The following ESR2 variants were observed in gnomAD, a reference collection of about 807,000 sequenced individuals.
The protein encoded by ESR2 is estrogen receptor 2, also known as estrogen receptor beta.
A neutral mutation model predicts 49.6 loss-of-function variants in ESR2; 36 were observed. That is an observed-to-expected ratio of 0.73 (90% CI 0.56 to 0.96). The LOEUF is 0.96. ESR2 is among the 40% of genes least tolerant of loss of function. The pLI, the probability that ESR2 is intolerant of heterozygous loss-of-function variation, is 0.00. For synonymous variants in ESR2, 320 were observed against 266.1 expected (o/e 1.20, Z -1.97); for missense variants, 714 against 693.0 (o/e 1.03, Z -0.34).
At chr14:64,244,993 T>A (rs2075817754) in intron 7 of ESR2, among the ~76,000 whole-genome samples, 1 of 152,208 alleles carries the variant, frequency 6.6e-6, no homozygotes, top group African/African-American at 2.4e-5. Flanking sequence ...CTGTTTTATA[T>A]ATTCTGTCAG....
chr14:64,267,467 T>C (rs2140755976), intron 4 of ESR2, among the ~76,000 whole-genome samples: 1 of 152,252 alleles, frequency 6.6e-6, no homozygotes, highest in East Asian at 1.9e-4. Context: ...AGAAGCATGA[T>C]CAGATGAAGA....
At chr14:64,315,074 T>C (rs901852494) in intron 1 of ESR2, among the ~76,000 whole-genome samples, 1 of 148,302 alleles carries the variant, frequency 6.7e-6, no homozygotes, top group African/African-American at 2.5e-5. Flanking sequence ...TGAAACCCCA[T>C]CTCTACTAAA....
rs143084625 is a variant in ESR2 at position 64,331,270 on chromosome 14, T to C, written c.-91+6628A>G. ...GGCAAAAAGTATTACATGAAATAAGTGAGATTTCATAACGATAAAAGGGGC... is the reference window on the plus strand; with the variant it reads ...GGCAAAAAGTATTACATGAAATAAGCGAGATTTCATAACGATAAAAGGGGC... On this transcript the variant is annotated intron_variant, in intron 1 of 8. Coordinates refer to the ESR2 transcript ENST00000358599. Among the ~76,000 whole-genome samples the C allele has an allele frequency of 1.1e-3, 165 of 152,242 alleles. 1 individual carries two copies. The East Asian group carries it at 0.019, about 18-fold the overall frequency.
chr14:64,231,882 T>TGGAA lies in ESR2; in HGVS notation c.*1254_*1255insTTCC, dbSNP rs2098727579. 6.6e-6 allele frequency: 1 copy of TGGAA among 152,210 alleles called. No individual in the cohort carries two copies. The allele number at this position is 152,210 out of a possible 1,614,324, so 9.4% of individuals were successfully genotyped here. A position where few individuals can be genotyped will look rare whatever the true frequency, so the allele number is the denominator to read the frequency against. ...CATTTCAGAGGTGCCCTTCTTCATG[T>TGGAA]CCTATTTATGTTCCACTTGGAATAA... On this transcript the variant is annotated 3_prime_UTR_variant, in exon 9 of 9. Coordinates refer to ENST00000341099, the MANE Select transcript of ESR2 (RefSeq NM_001437.3).
At chr14:64,292,949 T>G (rs992854025) in intron 1 of ESR2, among the ~76,000 whole-genome samples, 1 of 152,204 alleles carries the variant, frequency 6.6e-6, no homozygotes, top group African/African-American at 2.4e-5. Context: ...TGAGCAAGAC[T>G]TAAGTGTTAA....
chr14:64,333,263 G>C (rs1424994383), intron 1 of ESR2, among the ~76,000 whole-genome samples: 1 of 152,080 alleles, frequency 6.6e-6, no homozygotes, highest in African/African-American at 2.4e-5. Context: ...AAATAAACTA[G>C]AATTTTCTAC....
intron 1 of ESR2, among the ~76,000 whole-genome samples, chr14:64,322,518 GAA>G (rs35866794): frequency 3.9e-4 from 34 of 86,468 alleles, no homozygotes; most frequent in Non-Finnish European, 7.7e-4. Context: ...CCACAGAAAG[GAA>G]AAAAAAAAAA....
At position 64,252,133 on chromosome 14, in the gene ESR2, G is replaced by A. The variant is rs551955861; in HGVS notation, c.1092-2454C>T. Among the ~76,000 whole-genome samples the A allele has an allele frequency of 1.2e-4, 19 of 152,136 alleles. No homozygotes were observed. In the South Asian group the frequency reaches 3.3e-3, roughly 27 times the overall value. The stretch of plus-strand genomic sequence containing the variant: ...AGAGTTCTAGACCAGCCTGGGCGAT[G>A]TAGCAAGACCTTGTCTCTACAAAAT... On this transcript the variant is annotated intron_variant, in intron 6 of 8. Transcript: ENST00000341099.
At chr14:64,295,320 T>A (rs2076943282), upstream of ESR2, among the ~76,000 whole-genome samples, 1 of 152,120 alleles carries the variant, frequency 6.6e-6, no homozygotes, top group Non-Finnish European at 1.5e-5. Flanking sequence ...GGGGGGGCAT[T>A]TGGAGGGAAA....
At chr14:64,227,349 C>G (rs2098722333), downstream of ESR2, 1 of 664,926 alleles carries the variant, frequency 1.5e-6, no homozygotes, top group Non-Finnish European at 2.5e-6. Flanking sequence ...TTAGCGTTTA[C>G]AGTTATCAAA....
intron 6 of ESR2, among the ~76,000 whole-genome samples, chr14:64,252,035 G>C (rs1384957893): frequency 6.6e-6 from 1 of 152,202 alleles, no homozygotes; most frequent in East Asian, 1.9e-4. Flanking sequence ...GACAGGGCTG[G>C]CTGGGTAAAG....
At chr14:64,324,002 G>A (rs903284192) in intron 1 of ESR2, among the ~76,000 whole-genome samples, 6 of 152,244 alleles carry the variant, frequency 3.9e-5, no homozygotes, top group Non-Finnish European at 2.9e-5. Context: ...AGTCCTATAT[G>A]TTTGTAAAAT....
chr14:64,303,685 A>G (rs2077055612), intron 1 of ESR2: 2 of 152,200 alleles, frequency 1.3e-5, no homozygotes, highest in Admixed American at 1.3e-4. Flanking sequence ...GAGTAAGACA[A>G]GTTTTTAGAT....
chr14:64,303,089 C>T (rs1002011000), intron 1 of ESR2, among the ~76,000 whole-genome samples: 1 of 152,128 alleles, frequency 6.6e-6, no homozygotes, highest in African/African-American at 2.4e-5. Context: ...CATGAGCCAC[C>T]GCGCCCAGCC....
intron 1 of ESR2, among the ~76,000 whole-genome samples, chr14:64,307,204 T>TA (rs1046855207): frequency 7.9e-5 from 12 of 151,268 alleles, no homozygotes; most frequent in East Asian, 1.9e-4. Flanking sequence ...TAATTTAATT[T>TA]ATTTATTTAT....
chr14:64,297,064 G>A (rs1174316821), upstream of ESR2, among the ~76,000 whole-genome samples: 1 of 152,134 alleles, frequency 6.6e-6, no homozygotes, highest in Non-Finnish European at 1.5e-5. Flanking sequence ...TGCTATATAA[G>A]TGAGCAGGGT....
intron 1 of ESR2, among the ~76,000 whole-genome samples, chr14:64,322,066 A>T (rs2077330874): frequency 2.0e-5 from 3 of 151,900 alleles, no homozygotes; most frequent in African/African-American, 4.8e-5. Flanking sequence ...AATTATTATT[A>T]TTATTATTTG....
intron 6 of ESR2, among the ~76,000 whole-genome samples, chr14:64,256,427 C>T (rs1257338738): frequency 6.6e-6 from 1 of 152,156 alleles, no homozygotes; most frequent in Non-Finnish European, 1.5e-5. Context: ...ATAGTACATG[C>T]ATTAGAATGT....
intron 1 of ESR2, chr14:64,330,448 G>T (rs977555018): frequency 6.7e-6 from 1 of 148,776 alleles, no homozygotes; most frequent in African/African-American, 2.5e-5. Context: ...AAAAAAGAAA[G>T]AAATTGCCTC....
Sources: allele counts gnomAD v4.1 joint callset (sites outside exome capture counted in the v4.1 genomes callset), GRCh38; gene constraint gnomAD v4.1.1; transcripts MANE v1.5; gene names NCBI Gene and HGNC (gene_info 2026-07-23, HGNC 2026-07-21).